The following TBC1D28 variants were observed in gnomAD, a reference collection of about 807,000 sequenced individuals.
The protein encoded by TBC1D28 is TBC1 domain family member 28, also known as TBC1 domain family, member 28.
In TBC1D28, 20 loss-of-function variants were observed where a neutral mutation model predicts 29.2. That is an observed-to-expected ratio of 0.68 (90% CI 0.48 to 0.99). The LOEUF (loss-of-function observed/expected upper bound fraction) is 0.99, where lower values mean the gene tolerates loss of function less well. TBC1D28 is among the 50% of genes least tolerant of loss of function. TBC1D28 has a pLI of 0.00. For synonymous variants in TBC1D28, 65 were observed against 90.9 expected (o/e 0.71, Z 1.62); for missense variants, 205 against 243.7 (o/e 0.84, Z 1.06).
chr17:18,637,503 GCAGT>G (rs2031554215), intron 8 of TBC1D28, among the ~76,000 whole-genome samples: 1 of 143,550 alleles, frequency 7.0e-6, no homozygotes, highest in Non-Finnish European at 1.5e-5. Flanking sequence ...AGTATTTTGG[GCAGT>G]CAGTGTTGCC....
chr17:18,640,461 G>C (rs1399752617), intron 4 of TBC1D28, among the ~76,000 whole-genome samples: 1 of 151,202 alleles, frequency 6.6e-6, no homozygotes. Context: ...CACCACTCCC[G>C]GGGCCTTCAG....
chr17:18,634,858 G>GCCTCATGC (rs2031413293), downstream of TBC1D28: 1 of 105,050 alleles, frequency 9.5e-6, no homozygotes, highest in Non-Finnish European at 2.0e-5. Flanking sequence ...CCCCTCAGCC[G>GCCTCATGC]CCTCAGCCGC....
At chr17:18,640,367 G>T (rs528198728) in intron 4 of TBC1D28, among the ~76,000 whole-genome samples, 4 of 144,110 alleles carry the variant, frequency 2.8e-5, no homozygotes, top group African/African-American at 1.0e-4. Flanking sequence ...CCCTCCCCCA[G>T]GCTCCTCCCT....
At chr17:18,635,064 G>C (rs2031428639) in exon 9 of TBC1D28, 1 of 152,280 alleles carries the variant, frequency 6.6e-6, no homozygotes, top group Admixed American at 6.5e-5. Context: ...AGCGGACCCC[G>C]AGAGGCGCCG....
chr17:18,636,565 T>A, exon 9 of TBC1D28: 8 of 1,613,966 alleles, frequency 5.0e-6, no homozygotes, highest in Non-Finnish European at 6.8e-6. Context: ...ATATGCAGAA[T>A]AGGCCACGAG....
chr17:18,634,766 G>C (rs1480205688), downstream of TBC1D28, among the ~76,000 whole-genome samples: 1 of 152,006 alleles, frequency 6.6e-6, no homozygotes, highest in East Asian at 1.9e-4. Context: ...TGGACCCTGC[G>C]GCAGGGACCG....
exon 7 of TBC1D28, chr17:18,638,390 G>A (rs1437145960): frequency 1.2e-6 from 2 of 1,614,180 alleles, no homozygotes; most frequent in South Asian, 1.1e-5. Context: ...CGCACCGCCA[G>A]GGGAATGACT....
chr17:18,635,937 G>A lies in TBC1D28; in HGVS notation c.*525C>T, dbSNP rs1341047129. ...GCCAGTCTGAAGGCCCAGGGGACTTGAGCAATACCAAGAACTGGCCACGGT... is the reference window on the plus strand; with the variant it reads ...GCCAGTCTGAAGGCCCAGGGGACTTAAGCAATACCAAGAACTGGCCACGGT... On this transcript the variant is annotated 3_prime_UTR_variant, in exon 9 of 9. Coordinates refer to ENST00000345096, the Ensembl canonical transcript of TBC1D28. 6 of 992,752 alleles carry A rather than the reference G, an allele frequency of 6.0e-6. No individual in the cohort carries two copies. The African/African-American group carries it at 1.0e-4, about 17-fold the overall frequency. The allele number at this position is 992,752 out of a possible 1,614,324, so 61.5% of individuals were successfully genotyped here.
At chr17:18,636,633 G>C (rs1287842101) in intron 8 of TBC1D28, 36 bp from the exon 10 acceptor site, 1 of 1,594,830 alleles carries the variant, frequency 6.3e-7, no homozygotes. Context: ...TGTTTTTTTT[G>C]TGCAGACGCT....
chr17:18,635,714 C>T (rs1376744320), exon 9 of TBC1D28: 1 of 1,019,024 alleles, frequency 9.8e-7, no homozygotes, highest in African/African-American at 1.7e-5. Flanking sequence ...GCGAGAACCT[C>T]CAGAAATAGC....
rs929088759 is a variant in TBC1D28, at chr17:18,636,318, A to C, written c.*144T>G. On this transcript the variant is annotated 3_prime_UTR_variant, in exon 9 of 9. Transcript: ENST00000345096. ...CTGCCAAGCTCCTAGGCTTTGGGGC[A>C]ACACCAGGAGGGGAAGGTCATTTCT... 2.1e-6 allele frequency: 3 copies of C among 1,458,712 alleles called. No homozygotes were observed. In the African/African-American group the frequency reaches 4.2e-5, roughly 21 times the overall value. The allele number at this position is 1,458,712 out of a possible 1,614,324, so 90.4% of individuals were successfully genotyped here.
intron 7 of TBC1D28, 133 bp downstream of exon 8, chr17:18,638,180 A>G: frequency 8.5e-6 from 11 of 1,287,150 alleles, no homozygotes; most frequent in East Asian, 2.3e-5. Context: ...GTTACCATCT[A>G]TGCCCAGGAT....
At chr17:18,638,195 A>G (rs540582479) in intron 7 of TBC1D28, 118 bp downstream of exon 8, 14 of 1,339,728 alleles carry the variant, frequency 1.0e-5, no homozygotes, top group South Asian at 6.7e-5. Context: ...CAGGATGTGC[A>G]TCTGACCACA....
upstream of TBC1D28, among the ~76,000 whole-genome samples, chr17:18,643,320 A>T (rs923110378): frequency 6.6e-6 from 1 of 151,422 alleles, no homozygotes; most frequent in Non-Finnish European, 1.5e-5. Context: ...TCCTCCTCCC[A>T]GTAGCCTTCC....
intron 8 of TBC1D28, 27 bp downstream of exon 9, chr17:18,637,837 G>A (rs1420438249): frequency 3.7e-6 from 6 of 1,613,368 alleles, no homozygotes; most frequent in Non-Finnish European, 5.1e-6. Context: ...TCTTCTCTGG[G>A]ACCCCTGCAA....
In TBC1D28 at chr17:18,641,360, G is replaced by C. The variant is rs750115037; in HGVS notation, c.-1-7C>G. 1.5e-5 allele frequency: 25 copies of C among 1,613,694 alleles called. No individual in the cohort carries two copies. The highest frequency in any genetic ancestry group is 8.5e-7 in the Non-Finnish European group (1 of 1,179,788). ...GTCCTCATCCATCTCCATCCTGCAA[G>C]ACAAAGTCATCCCAAGGCTCTCCCG... On this transcript the variant is annotated splice_polypyrimidine_tract_variant and splice_region_variant and intron_variant, in intron 2 of 8. Transcript: ENST00000345096.
At chr17:18,639,526 G>A in intron 4 of TBC1D28, among the ~76,000 whole-genome samples, 1 of 137,724 alleles carries the variant, frequency 7.3e-6, no homozygotes, top group Non-Finnish European at 1.5e-5. Context: ...CGCTAAGAAA[G>A]TCCAGTTCTG....
At chr17:18,644,236 AGGTAAT>A (rs2031899375), upstream of TBC1D28, 1 of 151,832 alleles carries the variant, frequency 6.6e-6, no homozygotes, top group Non-Finnish European at 1.5e-5. Context: ...CCTGCCCACC[AGGTAAT>A]GACTGTACCC....
At chr17:18,634,799 C>CCCTCAGCCG (rs2031401238), downstream of TBC1D28, among the ~76,000 whole-genome samples, 1 of 151,318 alleles carries the variant, frequency 6.6e-6, no homozygotes, top group African/African-American at 2.4e-5. Flanking sequence ...GCCCCTCAGC[C>CCCTCAGCCG]CCTCAGCCCC....
Sources: allele counts gnomAD v4.1 joint callset (sites outside exome capture counted in the v4.1 genomes callset), GRCh38; gene constraint gnomAD v4.1.1; transcripts MANE v1.5; gene names NCBI Gene and HGNC (gene_info 2026-07-23, HGNC 2026-07-21).